Variants in CDKL4 observed in about 807,000 individuals in gnomAD.
CDKL4 encodes cyclin-dependent kinase-like 4.
In CDKL4, 44 loss-of-function variants were observed where a neutral mutation model predicts 42.0. The observed-to-expected ratio is 1.05, with a 90% CI of 0.82 to 1.35. The LOEUF (loss-of-function observed/expected upper bound fraction) is 1.35. Ranked by LOEUF, CDKL4 falls within the 40% of genes most tolerant of loss-of-function variation. The probability of loss-of-function intolerance (pLI) is 0.00; values close to 1 mark genes in which losing one functional copy is unlikely to be tolerated. For synonymous variants in CDKL4, 120 were observed against 121.6 expected (o/e 0.99, Z 0.09); for missense variants, 393 against 369.9 (o/e 1.06, Z -0.51).
intron 1 of CDKL4, among the ~76,000 whole-genome samples, chr2:39,240,689 A>G (rs147716571): frequency 0.012 from 1,805 of 151,172 alleles, 15 homozygotes; most frequent in Middle Eastern, 0.031. Context: ...AAAAAAAAAA[A>G]AAAAAAGAAA....
At chr2:39,237,628 G>A (rs1679441180) in intron 1 of CDKL4, among the ~76,000 whole-genome samples, 1 of 152,140 alleles carries the variant, frequency 6.6e-6, no homozygotes. Context: ...GGCCAAGGTG[G>A]GAGGATTGCT....
chr2:39,226,517 T>C (rs1338587548), intron 2 of CDKL4, among the ~76,000 whole-genome samples: 1 of 123,508 alleles, frequency 8.1e-6, no homozygotes, highest in African/African-American at 2.8e-5. Flanking sequence ...TTTGATTCTG[T>C]TGTTCTCTCT....
intron 6 of CDKL4, among the ~76,000 whole-genome samples, chr2:39,189,197 T>G (rs1007833193): frequency 6.6e-6 from 1 of 152,182 alleles, no homozygotes; most frequent in Non-Finnish European, 1.5e-5. Flanking sequence ...GGGAAGAAAT[T>G]AACAAATTCT....
intron 5 of CDKL4, among the ~76,000 whole-genome samples, chr2:39,194,284 C>T (rs1414925471): frequency 2.0e-5 from 3 of 152,160 alleles, no homozygotes; most frequent in Admixed American, 2.0e-4. Flanking sequence ...TGGTGAAACA[C>T]TGTGTCTACC....
intron 1 of CDKL4, among the ~76,000 whole-genome samples, chr2:39,237,451 C>T (rs1679432763): frequency 6.6e-6 from 1 of 152,146 alleles, no homozygotes; most frequent in Non-Finnish European, 1.5e-5. Flanking sequence ...TGTGTTACCC[C>T]TAAGACTGGA....
intron 8 of CDKL4, among the ~76,000 whole-genome samples, chr2:39,179,968 C>T (rs929104220): frequency 6.6e-6 from 1 of 152,122 alleles, no homozygotes; most frequent in Non-Finnish European, 1.5e-5. Context: ...GCCTCTAGGT[C>T]GGCTTCTGAG....
chr2:39,218,874 CAT>C (rs752044287), intron 3 of CDKL4, among the ~76,000 whole-genome samples: 1 of 152,182 alleles, frequency 6.6e-6, no homozygotes, highest in African/African-American at 2.4e-5. Context: ...TCCATAATCA[CAT>C]GAGTCAATAC....
chr2:39,178,802 C>T, intron 9 of CDKL4: 1 of 1,557,122 alleles, frequency 6.4e-7, no homozygotes, highest in Non-Finnish European at 8.7e-7. Context: ...CGTTATTGCA[C>T]ATCTGGAGGC....
upstream of CDKL4, among the ~76,000 whole-genome samples, chr2:39,246,402 C>T (rs1679915227): frequency 6.6e-6 from 1 of 152,174 alleles, no homozygotes; most frequent in Admixed American, 6.5e-5. Context: ...ACAAGTATCA[C>T]CTTATGTACA....
At chr2:39,222,735 C>T (rs1025707326) in intron 3 of CDKL4, among the ~76,000 whole-genome samples, 4 of 152,080 alleles carry the variant, frequency 2.6e-5, no homozygotes, top group Non-Finnish European at 4.4e-5. Context: ...GAAAGATGTT[C>T]AAGTCAAGCA....
chr2:39,173,707 G>A (rs537095566), downstream of CDKL4, among the ~76,000 whole-genome samples: 7 of 152,048 alleles, frequency 4.6e-5, no homozygotes, highest in African/African-American at 1.4e-4. Flanking sequence ...CTACTAGGGA[G>A]GCTGAGGCAG....
chr2:39,195,375 G>A (rs1676444664), intron 5 of CDKL4, among the ~76,000 whole-genome samples: 1 of 152,118 alleles, frequency 6.6e-6, no homozygotes, highest in South Asian at 2.1e-4. Context: ...TTGAAGAGCT[G>A]CCATACTGCT....
At chr2:39,233,666 C>A (rs968851804) in intron 1 of CDKL4, among the ~76,000 whole-genome samples, 2 of 151,574 alleles carry the variant, frequency 1.3e-5, no homozygotes, top group South Asian at 2.1e-4. Context: ...CCCATACATG[C>A]TATTATTGTC....
intron 3 of CDKL4, among the ~76,000 whole-genome samples, chr2:39,224,314 A>C (rs939308950): frequency 3.9e-5 from 6 of 152,174 alleles, no homozygotes; most frequent in Admixed American, 1.3e-4. Flanking sequence ...TTTAATAAAC[A>C]GATAAACTGT....
intron 8 of CDKL4, among the ~76,000 whole-genome samples, chr2:39,179,715 G>A (rs781742404): frequency 6.6e-6 from 1 of 152,202 alleles, no homozygotes; most frequent in African/African-American, 2.4e-5. Flanking sequence ...CTGCCAAAGG[G>A]AATCGAGGCA....
chr2:39,213,477 G>A lies in CDKL4; in HGVS notation c.291-5C>T, dbSNP rs774946926. ...TTGATCACTCCATCAGCAACTCTGAGGGAAAAAATAAAAAAGGAAATGAAA... is the reference window on the plus strand; with the variant it reads ...TTGATCACTCCATCAGCAACTCTGAAGGAAAAAATAAAAAAGGAAATGAAA... On this transcript the variant is annotated splice_region_variant and splice_polypyrimidine_tract_variant and intron_variant, in intron 3 of 9. Coordinates refer to ENST00000451199, the Ensembl canonical transcript of CDKL4. The A allele has an allele frequency of 1.1e-5, 18 of 1,602,174 alleles. No individual in the cohort carries two copies. The highest frequency in any genetic ancestry group is 1.5e-5 in the Non-Finnish European group (18 of 1,170,224).
At chr2:39,194,336 A>G (rs892801661) in intron 5 of CDKL4, among the ~76,000 whole-genome samples, 3 of 152,150 alleles carry the variant, frequency 2.0e-5, no homozygotes, top group Non-Finnish European at 4.4e-5. Context: ...CAAAAATACA[A>G]AAATTAGTAT....
intron 6 of CDKL4, 37 bp from the exon 7 acceptor site, chr2:39,187,746 G>A: frequency 6.8e-7 from 1 of 1,470,234 alleles, no homozygotes; most frequent in South Asian, 1.2e-5. Flanking sequence ...TCATAAATTT[G>A]GCAAAGAATA....
chr2:39,174,884 T>G, downstream of CDKL4, among the ~76,000 whole-genome samples: 1 of 152,180 alleles, frequency 6.6e-6, no homozygotes, highest in Non-Finnish European at 1.5e-5. Flanking sequence ...TTTAAGTATA[T>G]ATTTACAAAT....
Sources: allele counts gnomAD v4.1 joint callset (sites outside exome capture counted in the v4.1 genomes callset), GRCh38; gene constraint gnomAD v4.1.1; transcripts MANE v1.5; gene names NCBI Gene and HGNC (gene_info 2026-07-23, HGNC 2026-07-21).